COL25A1: variants seen among roughly 807,000 people sequenced by gnomAD.
COL25A1 encodes collagen type XXV alpha 1 chain.
Under a neutral mutation model 128.4 loss-of-function variants are expected in COL25A1, and 103 were observed. The observed-to-expected ratio is 0.80, with a 90% CI of 0.68 to 0.94. The LOEUF (loss-of-function observed/expected upper bound fraction) is 0.94. Ranked by LOEUF, COL25A1 falls within the 40% of genes least tolerant of loss-of-function variation. The pLI is 0.00. For missense variants in COL25A1, 745 were observed against 840.0 expected, an observed-to-expected ratio of 0.89 and a Z score of 1.40; for synonymous variants, 279 against 277.2, an observed-to-expected ratio of 1.01 and a Z score of -0.06.
chr4:108,899,182 T>C lies in COL25A1; in HGVS notation c.835-2A>G, dbSNP rs746013987. 8 of 1,608,672 alleles carry C rather than the reference T, an allele frequency of 5.0e-6. No individual in the cohort carries two copies. The highest frequency in any genetic ancestry group is 6.8e-6 in the Non-Finnish European group (8 of 1,177,402). On this transcript the variant is annotated splice_acceptor_variant, in intron 14 of 37. Transcript: ENST00000399132. LOFTEE classifies it high-confidence loss of function. ...TTCACCTTGTTCTCCAGGTTCTCCC[T>C]GAGCAAAAAGACAGAGATTGGGTGA...
At chr4:109,298,217 G>T (rs1256551834) in intron 3 of COL25A1, among the ~76,000 whole-genome samples, 1 of 152,006 alleles carries the variant, frequency 6.6e-6, no homozygotes, top group African/African-American at 2.4e-5. Context: ...TTAAAAAATT[G>T]TCCTTTTCAT....
intron 3 of COL25A1, among the ~76,000 whole-genome samples, chr4:109,111,606 T>C (rs1233008893): frequency 6.6e-6 from 1 of 152,184 alleles, no homozygotes; most frequent in African/African-American, 2.4e-5. Flanking sequence ...AGACAGTGGA[T>C]AATGGCTGGA....
chr4:109,141,582 T>C (rs1002428098), intron 3 of COL25A1, among the ~76,000 whole-genome samples: 3 of 152,210 alleles, frequency 2.0e-5, no homozygotes, highest in African/African-American at 4.8e-5. Context: ...TTTTGGTTGG[T>C]AGGCTATTAA....
Position 108,949,477 on chromosome 4 carries a change from C to G in COL25A1, c.493-8040G>C, listed in dbSNP as rs375108050. On this transcript the variant is annotated intron_variant, in intron 8 of 37. Coordinates refer to ENST00000399132, the MANE Select transcript of COL25A1 (RefSeq NM_198721.4). ...TTGTAAGTGGCAGAGCCAAGAGTCACCCCCTGACAACCTGCTCCAGTGTCA... is the reference window on the plus strand; with the variant it reads ...TTGTAAGTGGCAGAGCCAAGAGTCAGCCCCTGACAACCTGCTCCAGTGTCA... Among the ~76,000 whole-genome samples the G allele has an allele frequency of 2.0e-5, 3 of 152,212 alleles. No individual in the cohort carries two copies. The South Asian group carries it at 6.2e-4, about 32-fold the overall frequency.
chr4:109,056,299 A>G (rs2125954042), intron 3 of COL25A1, among the ~76,000 whole-genome samples: 1 of 152,250 alleles, frequency 6.6e-6, no homozygotes, highest in South Asian at 2.1e-4. Flanking sequence ...TTTAGTTACA[A>G]ACAACAAAAA....
At chr4:108,995,044 A>G (rs1754622777) in intron 6 of COL25A1, among the ~76,000 whole-genome samples, 1 of 152,176 alleles carries the variant, frequency 6.6e-6, no homozygotes, top group Non-Finnish European at 1.5e-5. Flanking sequence ...ATTCAAAAAA[A>G]CAGAGTGCCT....
chr4:109,287,994 G>T (rs901779619), intron 3 of COL25A1, among the ~76,000 whole-genome samples: 3 of 151,542 alleles, frequency 2.0e-5, no homozygotes, highest in Non-Finnish European at 4.4e-5. Flanking sequence ...GAGTAAGATG[G>T]GAACTGGCTG....
At chr4:108,992,093 C>T (rs1341743587) in intron 6 of COL25A1, among the ~76,000 whole-genome samples, 2 of 152,146 alleles carry the variant, frequency 1.3e-5, no homozygotes, top group Non-Finnish European at 2.9e-5. Context: ...CCCCTGTGTG[C>T]AGTTGTCCGA....
At chr4:109,049,258 G>A (rs142332284) in intron 4 of COL25A1, among the ~76,000 whole-genome samples, 359 of 152,196 alleles carry the variant, frequency 2.4e-3, no homozygotes, top group African/African-American at 8.5e-3. Flanking sequence ...ACAATTTACA[G>A]CATGCTAGAG....
Position 109,220,289 on chromosome 4 carries a change from T to C in COL25A1, c.367+80294A>G, listed in dbSNP as rs567751740. ...TTTTGCTCTTCAGTGAACGCATATT[T>C]CTGAACCTGAAGATTTCTTGAGATT... On this transcript the variant is annotated intron_variant, in intron 3 of 37. Transcript: ENST00000399132. 1.1e-4 allele frequency among the ~76,000 whole-genome samples: 17 copies of C among 152,338 alleles called. No homozygotes were observed. The East Asian group carries it at 3.1e-3, about 28-fold the overall frequency.
At chr4:108,909,261 T>C (rs2125879982) in intron 13 of COL25A1, among the ~76,000 whole-genome samples, 1 of 152,336 alleles carries the variant, frequency 6.6e-6, no homozygotes, top group East Asian at 1.9e-4. Flanking sequence ...TGTCATAATT[T>C]CCTTAGTTAT....
intron 3 of COL25A1, among the ~76,000 whole-genome samples, chr4:109,187,775 T>C (rs1029235129): frequency 6.6e-6 from 1 of 152,210 alleles, no homozygotes; most frequent in African/African-American, 2.4e-5. Flanking sequence ...GCCCAAGGTA[T>C]AAGGATGTGA....
intron 3 of COL25A1, among the ~76,000 whole-genome samples, chr4:109,147,373 A>T (rs1488873807): frequency 6.6e-6 from 1 of 152,180 alleles, no homozygotes; most frequent in African/African-American, 2.4e-5. Context: ...CCTGTGCACA[A>T]CCCTAAGGGA....
intron 3 of COL25A1, among the ~76,000 whole-genome samples, chr4:109,254,288 A>G (rs1161981480): frequency 1.3e-5 from 2 of 150,700 alleles, no homozygotes; most frequent in Non-Finnish European, 3.0e-5. Flanking sequence ...TCCTATGAGG[A>G]AGGTAGAGTA....
intron 3 of COL25A1, among the ~76,000 whole-genome samples, chr4:109,060,398 C>T (rs965403401): frequency 4.6e-5 from 7 of 152,154 alleles, no homozygotes; most frequent in African/African-American, 1.7e-4. Flanking sequence ...CCTTGACCCC[C>T]ACCTCATTGC....
At chr4:108,942,911 A>C (rs1325884261) in intron 8 of COL25A1, among the ~76,000 whole-genome samples, 3 of 151,558 alleles carry the variant, frequency 2.0e-5, no homozygotes, top group Non-Finnish European at 4.4e-5. Flanking sequence ...GTGCACCACC[A>C]CGCCCAGCTA....
intron 3 of COL25A1, among the ~76,000 whole-genome samples, chr4:109,250,150 T>C: frequency 6.6e-6 from 1 of 152,134 alleles, no homozygotes; most frequent in Middle Eastern, 3.2e-3. Flanking sequence ...AAATTTAAAC[T>C]TTCCAGGTCT....
At chr4:108,843,177 G>GAAGAAGA (rs1272897980) in intron 30 of COL25A1, among the ~76,000 whole-genome samples, 1 of 146,592 alleles carries the variant, frequency 6.8e-6, no homozygotes, top group Non-Finnish European at 1.5e-5. Flanking sequence ...AAAAGAGGAA[G>GAAGAAGA]AAGAAGAAAG....
At position 108,869,080 on chromosome 4, in the gene COL25A1, C is replaced by T. The variant is rs772617135; in HGVS notation, c.1083+8G>A. ...GAAAGAAAGAAGGAAAGAAAGAGGCCCACTTACTTTTGTTCCTGGTAAACC... is the reference window on the plus strand; with the variant it reads ...GAAAGAAAGAAGGAAAGAAAGAGGCTCACTTACTTTTGTTCCTGGTAAACC... On this transcript the variant is annotated splice_region_variant and intron_variant, in intron 20 of 37. Coordinates refer to ENST00000399132, the MANE Select transcript of COL25A1 (RefSeq NM_198721.4). The T allele has an allele frequency of 1.0e-5, 16 of 1,551,930 alleles. No homozygotes were observed. The South Asian group carries it at 1.4e-4, about 14-fold the overall frequency.
Sources: gnomAD v4.1 joint callset for allele counts (sites outside exome capture counted in the v4.1 genomes callset) on GRCh38, gnomAD v4.1.1 for gene constraint, MANE v1.5 for transcripts, NCBI Gene and HGNC (gene_info 2026-07-23, HGNC 2026-07-21) for gene names.